Variants in NEDD4L observed in about 807,000 individuals in gnomAD.
NEDD4L encodes NEDD4 like E3 ubiquitin protein ligase, also known as E3 ubiquitin-protein ligase NEDD4-like.
A neutral mutation model predicts 148.9 loss-of-function variants in NEDD4L; 54 were observed. That is an observed-to-expected ratio of 0.36 (90% CI 0.29 to 0.45). NEDD4L has a LOEUF of 0.45. NEDD4L is among the 20% of genes least tolerant of loss of function. NEDD4L has a pLI of 1.00. For synonymous variants in NEDD4L, 433 were observed against 440.7 expected (o/e 0.98, Z 0.22); for missense variants, 856 against 1,233.8 (o/e 0.69, Z 4.59).
chr18:58,346,837 A>T (rs376940120), intron 16 of NEDD4L, among the ~76,000 whole-genome samples: 1 of 151,932 alleles, frequency 6.6e-6, no homozygotes, highest in Non-Finnish European at 1.5e-5. Context: ...TTAGTATTCC[A>T]CTTTCTCATC....
At chr18:58,179,282 G>T (rs2038549948) in intron 2 of NEDD4L, among the ~76,000 whole-genome samples, 1 of 152,136 alleles carries the variant, frequency 6.6e-6, no homozygotes, top group Non-Finnish European at 1.5e-5. Flanking sequence ...GTATAATTCA[G>T]GATCTTTTGT....
At chr18:58,329,457 A>G (rs566836120) in intron 10 of NEDD4L, among the ~76,000 whole-genome samples, 6 of 152,046 alleles carry the variant, frequency 3.9e-5, no homozygotes, top group African/African-American at 1.4e-4. Context: ...CCTGGGTTCG[A>G]GCAATTCTCC....
chr18:58,388,769 G>C (rs2049385339), intron 27 of NEDD4L: 1 of 331,402 alleles, frequency 3.0e-6, no homozygotes, highest in Non-Finnish European at 5.8e-6. Flanking sequence ...GATGCTGCTG[G>C]AGCGTGAGAG....
At chr18:58,216,865 T>G (rs972356387) in intron 2 of NEDD4L, among the ~76,000 whole-genome samples, 4 of 152,200 alleles carry the variant, frequency 2.6e-5, no homozygotes, top group African/African-American at 9.6e-5. Flanking sequence ...CTTTCTTTCC[T>G]GTGAAAATGT....
At chr18:58,232,199 A>G (rs1008489056) in intron 2 of NEDD4L, among the ~76,000 whole-genome samples, 3 of 152,206 alleles carry the variant, frequency 2.0e-5, no homozygotes, top group Admixed American at 2.0e-4. Flanking sequence ...ACAACACTCT[A>G]CTAATTATTA....
intron 5 of NEDD4L, among the ~76,000 whole-genome samples, chr18:58,284,346 A>G (rs748707853): frequency 1.3e-5 from 2 of 151,714 alleles, no homozygotes; most frequent in Non-Finnish European, 2.9e-5. Flanking sequence ...ACTGTTGTTG[A>G]TTTTTTTTTC....
chr18:58,290,078 T>G (rs2054501092), intron 5 of NEDD4L, among the ~76,000 whole-genome samples: 1 of 152,220 alleles, frequency 6.6e-6, no homozygotes, highest in Non-Finnish European at 1.5e-5. Flanking sequence ...TGATCAGATA[T>G]TTTACTGTAA....
At chr18:58,341,886 C>T (rs1407703211) in intron 15 of NEDD4L, 89 bp downstream of exon 15, 2 of 1,422,562 alleles carry the variant, frequency 1.4e-6, no homozygotes, top group Non-Finnish European at 1.9e-6. Context: ...AGTTTCGCAG[C>T]CACCTCCTCT....
chr18:58,317,149 G>T (rs941191167), intron 6 of NEDD4L, among the ~76,000 whole-genome samples: 4 of 152,240 alleles, frequency 2.6e-5, no homozygotes, highest in Admixed American at 2.6e-4. Context: ...AGGACTGGAA[G>T]TGAAAGTGAT....
At chr18:58,188,891 A>C (rs2039775445) in intron 2 of NEDD4L, among the ~76,000 whole-genome samples, 1 of 152,208 alleles carries the variant, frequency 6.6e-6, no homozygotes. Flanking sequence ...GGCAAGGTAG[A>C]AGCCAGGAGT....
intron 5 of NEDD4L, among the ~76,000 whole-genome samples, chr18:58,305,130 C>G (rs1242538638): frequency 6.6e-6 from 1 of 152,166 alleles, no homozygotes; most frequent in South Asian, 2.1e-4. Flanking sequence ...ATGGGCCCAG[C>G]GATTTCTCAT....
chr18:58,326,151 C>T (rs2059292195), intron 9 of NEDD4L, among the ~76,000 whole-genome samples: 2 of 152,178 alleles, frequency 1.3e-5, no homozygotes, highest in Non-Finnish European at 2.9e-5. Flanking sequence ...TAAAGATACT[C>T]CACATATGAC....
At chr18:58,097,496 G>A (rs968738161) in intron 1 of NEDD4L, among the ~76,000 whole-genome samples, 30 of 152,176 alleles carry the variant, frequency 2.0e-4, no homozygotes, top group African/African-American at 6.8e-4. Flanking sequence ...AGCCCCCCAC[G>A]TTGCATTCTC....
At position 58,252,045 on chromosome 18, in the gene NEDD4L, A is replaced by T; in HGVS notation, c.288A>T (p.Glu96Asp). Residue 96 changes from glutamate to aspartate, a missense_variant, in exon 5 of 31, where the codon GAA becomes GAT. By Grantham distance (45) the Glu-to-Asp change is conservative. Transcript: ENST00000400345. ...NHRLLFEVFD[E>D]NRLTRDDFLG... ...GACTCCTATTTGAAGTATTTGACGAAAATAGACTGGTAAGTGGATGCCTGT... is the reference window on the plus strand; with the variant it reads ...GACTCCTATTTGAAGTATTTGACGATAATAGACTGGTAAGTGGATGCCTGT... 6.3e-7 allele frequency: 1 copy of T among 1,593,336 alleles called. No individual in the cohort carries two copies. Among genetic ancestry groups the T allele is most frequent in the East Asian group, 2.2e-5 (1 of 44,730 alleles).
chr18:58,342,230 C>T (rs1001687630), intron 15 of NEDD4L, among the ~76,000 whole-genome samples: 4 of 152,186 alleles, frequency 2.6e-5, no homozygotes, highest in Non-Finnish European at 5.9e-5. Flanking sequence ...TATGGGCATA[C>T]ATGTTTCTGA....
At chr18:58,153,498 C>T (rs2035060790) in intron 1 of NEDD4L, among the ~76,000 whole-genome samples, 1 of 151,968 alleles carries the variant, frequency 6.6e-6, no homozygotes, top group Non-Finnish European at 1.5e-5. Flanking sequence ...AGCCACCAGG[C>T]CCAGCTAATT....
intron 4 of NEDD4L, among the ~76,000 whole-genome samples, chr18:58,249,348 A>G (rs1406302645): frequency 6.6e-6 from 1 of 152,348 alleles, no homozygotes; most frequent in East Asian, 1.9e-4. Flanking sequence ...CTAGTTAGGG[A>G]GGAAAATTTT....
chr18:58,378,035 G>A lies in NEDD4L; in HGVS notation c.2352+4766G>A, dbSNP rs955560740. On this transcript the variant is annotated intron_variant, in intron 24 of 30. Transcript: ENST00000400345. ...GCTGGGCTTACAGGTGTGAGCCACC[G>A]TGCTTGGCCTGATTTGATTGTTTTG... 9.2e-5 allele frequency among the ~76,000 whole-genome samples: 14 copies of A among 152,310 alleles called. 1 individual carries two copies. The highest frequency in any genetic ancestry group is 6.2e-4 in the South Asian group (3 of 4,824).
At chr18:58,390,115 G>A (rs1416882547) in intron 28 of NEDD4L, 1 of 152,524 alleles carries the variant, frequency 6.6e-6, no homozygotes, top group Non-Finnish European at 1.5e-5. Context: ...GGCATTACCA[G>A]TAAAGCCACC....
Sources: allele counts gnomAD v4.1 joint callset (sites outside exome capture counted in the v4.1 genomes callset), GRCh38; gene constraint gnomAD v4.1.1; transcripts MANE v1.5; gene names NCBI Gene and HGNC (gene_info 2026-07-23, HGNC 2026-07-21).